The following ETFB variants were observed in gnomAD, a reference collection of about 807,000 sequenced individuals.
ETFB encodes electron transfer flavoprotein subunit beta.
ETFB carries 20 observed loss-of-function variants against 25.6 expected under a neutral mutation model. The observed-to-expected ratio is 0.78, with a 90% confidence interval of 0.55 to 1.14. ETFB has a LOEUF of 1.14. Among genes scored for constraint, ETFB ranks in the 50% most tolerant of loss-of-function variants. The probability of loss-of-function intolerance (pLI) is 0.00; values close to 1 mark genes in which losing one functional copy is unlikely to be tolerated. For synonymous variants in ETFB, 142 were observed against 146.7 expected, an observed-to-expected ratio of 0.97 and a Z score of 0.23; for missense variants, 286 against 342.6, an observed-to-expected ratio of 0.83 and a Z score of 1.30.
intron 1 of ETFB, among the ~76,000 whole-genome samples, chr19:51,363,520 C>G (rs1379719583): frequency 1.3e-5 from 2 of 152,088 alleles, no homozygotes; most frequent in Non-Finnish European, 2.9e-5. Context: ...ACAATCCTGG[C>G]TCACTGCAAC....
chr19:51,354,395 T>G lies in ETFB; in HGVS notation c.58-87A>C, dbSNP rs1986023015. On this transcript the variant is annotated intron_variant, in intron 1 of 5. Coordinates refer to ENST00000309244, the MANE Select transcript of ETFB (RefSeq NM_001985.3). Reference sequence around the variant, plus strand: ...AGCGCCAACCCTCTCCCAGGCTGGATGAGGACAACGACAGCCTGGAAAGGG... The same window carrying G: ...AGCGCCAACCCTCTCCCAGGCTGGAGGAGGACAACGACAGCCTGGAAAGGG... 5.6e-6 allele frequency: 9 copies of G among 1,613,884 alleles called. No homozygotes were observed. The highest frequency in any genetic ancestry group is 6.8e-6 in the Non-Finnish European group (8 of 1,179,918).
Position 51,357,667 on chromosome 19 carries a change from T to C in ETFB, c.58-3359A>G, listed in dbSNP as rs181812384. 4.3e-3 allele frequency among the ~76,000 whole-genome samples: 651 copies of C among 151,910 alleles called. 3 individuals are homozygous for C. The highest frequency in any genetic ancestry group is 0.014 in the African/African-American group (567 of 41,448). ...ACCACGCCCAGCTAATTTTTTGTAT[T>C]TTTAATAGAGACAGGGTTTCACTAT... On this transcript the variant is annotated intron_variant, in intron 1 of 5. Coordinates refer to ENST00000309244, the MANE Select transcript of ETFB (RefSeq NM_001985.3).
At chr19:51,364,203 G>C (rs908379038) in intron 1 of ETFB, among the ~76,000 whole-genome samples, 4 of 152,146 alleles carry the variant, frequency 2.6e-5, no homozygotes. Context: ...AAGAAGGGTG[G>C]GGGGTGGAGA....
chr19:51,346,888 C>A lies in ETFB; in HGVS notation c.597+12G>T. On this transcript the variant is annotated intron_variant, in intron 5 of 5. Transcript: ENST00000309244. ...CCCCCAGGCCCTCAGTGCCCGCTGG[C>A]CAGGGGCTCACCATGATGTTGGGCA... is the stretch of plus-strand genomic sequence containing the variant. 1 of 1,548,482 alleles carries A rather than the reference C, an allele frequency of 6.5e-7. No homozygotes were observed.
At chr19:51,346,790 C>T (rs1372322477) in intron 5 of ETFB, 110 bp downstream of exon 5, 9 of 1,124,618 alleles carry the variant, frequency 8.0e-6, no homozygotes, top group East Asian at 5.2e-5. Context: ...TTCCTGTGCA[C>T]GAGACCTCCT....
At chr19:51,354,643 C>T (rs1986031798) in intron 1 of ETFB, 1 of 1,613,146 alleles carries the variant, frequency 6.2e-7, no homozygotes, top group African/African-American at 1.3e-5. Flanking sequence ...GTACATTTTA[C>T]TGTATCTCCA....
chr19:51,363,065 C>A (rs10411180), intron 1 of ETFB, among the ~76,000 whole-genome samples: 1 of 151,828 alleles, frequency 6.6e-6, no homozygotes, highest in Non-Finnish European at 1.5e-5. Context: ...ACTTTCCTCT[C>A]CCTTTCTAGT....
intron 1 of ETFB, among the ~76,000 whole-genome samples, chr19:51,361,412 C>G (rs548403512): frequency 3.9e-5 from 6 of 152,110 alleles, no homozygotes; most frequent in Non-Finnish European, 7.4e-5. Context: ...ATCACTAACT[C>G]GGCGGGGGGC....
At chr19:51,349,397 CT>C (rs1472967127) in intron 4 of ETFB, among the ~76,000 whole-genome samples, 1 of 147,976 alleles carries the variant, frequency 6.8e-6, no homozygotes, top group Non-Finnish European at 1.5e-5. Flanking sequence ...TTTCTTTTTA[CT>C]TTTTTATGTA....
At position 51,350,315 on chromosome 19, in the gene ETFB, C is replaced by G; in HGVS notation, c.438+14G>C. 2.5e-6 allele frequency: 4 copies of G among 1,608,682 alleles called. No homozygotes were observed. The highest frequency in any genetic ancestry group is 3.4e-6 in the Non-Finnish European group (4 of 1,177,868). ...GGCCTGGCCCTCAGCAGGTGCTCCC[C>G]ACTCCAGTCTCACCTGTGGCCAGTC... is the stretch of plus-strand genomic sequence containing the variant. On this transcript the variant is annotated intron_variant, in intron 4 of 5. Transcript: ENST00000309244.
chr19:51,349,447 C>CTTTTTTTT lies in ETFB; in HGVS notation c.438+874_438+881dup, dbSNP rs11428639. On this transcript the variant is annotated intron_variant, in intron 4 of 5. Coordinates refer to ENST00000309244, the MANE Select transcript of ETFB (RefSeq NM_001985.3). ...TTAAATTTGTCTATGTGCCTTGCTT[C>CTTTTTTTT]TTTTTTTTTTTTTCTTTTGAGACAG... 1.0e-4 allele frequency among the ~76,000 whole-genome samples: 14 copies of CTTTTTTTT among 134,188 alleles called. 3 individuals carry two copies. Among genetic ancestry groups the CTTTTTTTT allele is most frequent in the Non-Finnish European group, 1.4e-4 (9 of 64,576 alleles). 88.0% of individuals were successfully genotyped at this position (134,188 alleles called of 152,430 possible). A position where few individuals can be genotyped will look rare whatever the true frequency, so the allele number is the denominator to read the frequency against.
At chr19:51,345,735 T>C in intron 5 of ETFB, 1 of 384,702 alleles carries the variant, frequency 2.6e-6, no homozygotes, top group South Asian at 2.1e-5. Context: ...GCTGAGATGA[T>C]GCACTGAACC....
intron 1 of ETFB, among the ~76,000 whole-genome samples, chr19:51,363,928 A>G (rs1003685905): frequency 2.0e-5 from 3 of 152,148 alleles, no homozygotes; most frequent in Non-Finnish European, 4.4e-5. Context: ...GGAGGGTCCA[A>G]GGAGGGAAGT....
At chr19:51,359,162 C>A (rs1986160290) in intron 1 of ETFB, among the ~76,000 whole-genome samples, 1 of 151,830 alleles carries the variant, frequency 6.6e-6, no homozygotes, top group Admixed American at 6.6e-5. Flanking sequence ...GGTGATCCTC[C>A]CACTTCAGCC....
At chr19:51,360,764 CTT>C (rs869201957) in intron 1 of ETFB, among the ~76,000 whole-genome samples, 5 of 119,002 alleles carry the variant, frequency 4.2e-5, no homozygotes, top group African/African-American at 1.2e-4. Flanking sequence ...TTCTTTCTCT[CTT>C]TCTCTCTCTC....
At chr19:51,356,682 C>T (rs534147412) in intron 1 of ETFB, 45 of 152,054 alleles carry the variant, frequency 3.0e-4, no homozygotes, top group African/African-American at 1.1e-3. Flanking sequence ...AACCACTAAC[C>T]ACTCTCCTAT....
chr19:51,346,831 C>T lies in ETFB; in HGVS notation c.597+69G>A, dbSNP rs889154054. ...TCCTTCCCTCCCCACGTGCGACCAC[C>T]GGGGGGCACTGGGCTGGCAATGTGC... On this transcript the variant is annotated intron_variant, in intron 5 of 5. Transcript: ENST00000309244. 2.2e-5 allele frequency: 32 copies of T among 1,472,252 alleles called. 1 individual carries two copies. Among genetic ancestry groups the T allele is most frequent in the Admixed American group, 1.2e-4 (6 of 50,236 alleles). 91.2% of individuals were successfully genotyped at this position (1,472,252 alleles called of 1,614,324 possible). A position where few individuals can be genotyped will look rare whatever the true frequency, so the allele number is the denominator to read the frequency against.
chr19:51,350,366 G>A lies in ETFB; in HGVS notation c.401C>T (p.Thr134Ile). 6.2e-7 allele frequency: 1 copy of A among 1,601,986 alleles called. No individual in the cohort carries two copies. The highest frequency in any genetic ancestry group is 8.5e-7 in the Non-Finnish European group (1 of 1,170,632). Residue 134 changes from threonine to isoleucine, a missense_variant, in exon 4 of 6, where the codon ACA becomes ATA. Coordinates refer to ENST00000309244, the MANE Select transcript of ETFB (RefSeq NM_001985.3). ...KQAIDDDCNQTGQMTAGFLDW... is the reference protein window; with the variant it reads ...KQAIDDDCNQIGQMTAGFLDW... The stretch of plus-strand genomic sequence containing the variant: ...AAGAAATCCAGCTGTCATCTGCCCT[G>A]TCTGGTTACAGTCATCATCGATGGC...
Position 51,346,967 on chromosome 19 carries a change from A to G in ETFB, c.530T>C (p.Leu177Pro). Residue 177 changes from leucine (L) to proline (P), a missense_variant, in exon 5 of 6, where the codon CTG (leucine) becomes CCG (proline). Physicochemically the swap from Leu to Pro is moderately conservative, Grantham distance 98 (BLOSUM62 -3). Transcript: ENST00000309244. ...CAGGTCAGCTGTCACCACAGCTGGC[A>G]GCTTCAGGCGCAGGGTCTCCAGGCC... is the stretch of plus-strand genomic sequence containing the variant. ...DGGLETLRLKLPAVVTADLRL... is the reference protein window; with the variant it reads ...DGGLETLRLKPPAVVTADLRL... 1 of 1,605,172 alleles carries G rather than the reference A, an allele frequency of 6.2e-7. No homozygotes were observed. The highest frequency in any genetic ancestry group is 8.5e-7 in the Non-Finnish European group (1 of 1,176,004).
Sources: gnomAD v4.1 joint callset for allele counts (sites outside exome capture counted in the v4.1 genomes callset) on GRCh38, gnomAD v4.1.1 for gene constraint, MANE v1.5 for transcripts, NCBI Gene and HGNC (gene_info 2026-07-23, HGNC 2026-07-21) for gene names.